Variants in MAPK8IP1 observed in about 807,000 individuals in gnomAD.
The protein encoded by MAPK8IP1 is mitogen-activated protein kinase 8 interacting protein 1.
Under a neutral mutation model 72.6 loss-of-function variants are expected in MAPK8IP1, and 17 were observed. The ratio of observed to expected loss-of-function variants is 0.23; its 90% confidence interval spans 0.16 to 0.35. The LOEUF (loss-of-function observed/expected upper bound fraction) is 0.35. Among genes scored for constraint, MAPK8IP1 ranks in the 10% least tolerant of loss-of-function variants. The probability of loss-of-function intolerance (pLI) is 1.00; values close to 1 mark genes in which losing one functional copy is unlikely to be tolerated. For synonymous variants in MAPK8IP1, 401 were observed against 443.4 expected (o/e 0.90, Z 1.20); for missense variants, 789 against 1,009.7 (o/e 0.78, Z 2.96).
At chr11:45,896,505 G>A (rs1056119680) in intron 1 of MAPK8IP1, 1 of 1,054,506 alleles carries the variant, frequency 9.5e-7, no homozygotes, top group African/African-American at 1.7e-5. Context: ...GGGCCACTCA[G>A]CCCCCGACAG....
Position 45,904,043 on chromosome 11 carries a change from A to G in MAPK8IP1, c.1548A>G (p.Leu516=), listed in dbSNP as rs1252767347. The part of the protein sequence containing the change: ...ELELEVDDPL[L]VELQAEDYWY... ...AGCTGGAAGTGGATGACCCTCTGCT[A>G]GTGGAGCTCCAGGCTGAAGACTACT... is the stretch of plus-strand genomic sequence containing the variant. Residue 516 remains leucine, a synonymous_variant, in exon 7 of 12, where the codon CTA becomes CTG. Coordinates refer to ENST00000241014, the MANE Select transcript of MAPK8IP1 (RefSeq NM_005456.4). The surrounding 1 kb of genome is among the most constrained non-coding windows in gnomAD (Gnocchi z 6.4). 3 of 1,613,890 alleles carry G rather than the reference A, an allele frequency of 1.9e-6. No individual in the cohort carries two copies. The highest frequency in any genetic ancestry group is 2.5e-6 in the Non-Finnish European group (3 of 1,179,932).
chr11:45,896,673 GGGT>G lies in MAPK8IP1; in HGVS notation c.102-1411_102-1409del, dbSNP rs1565072302. 11 of 1,403,146 alleles carry G rather than the reference GGGT, an allele frequency of 7.8e-6. No individual in the cohort carries two copies. In the African/African-American group the frequency reaches 1.6e-4, roughly 20 times the overall value. 86.9% of individuals were successfully genotyped at this position (1,403,146 alleles called of 1,614,324 possible). ...CTGGGAAGAGCTGGGGCTGGGACCC[GGGT>G]CGGCAGCTGCAGCCTCCTCTCCTGG... On this transcript the variant is annotated intron_variant, in intron 1 of 11. Transcript: ENST00000241014.
chr11:45,893,035 TG>T (rs1225930781), intron 1 of MAPK8IP1, among the ~76,000 whole-genome samples: 1 of 152,130 alleles, frequency 6.6e-6, no homozygotes, highest in African/African-American at 2.4e-5. Context: ...GAGAGGCTTG[TG>T]GGGCATTGTG....
At chr11:45,891,700 A>G (rs766999315) in intron 1 of MAPK8IP1, among the ~76,000 whole-genome samples, 1 of 152,220 alleles carries the variant, frequency 6.6e-6, no homozygotes, top group African/African-American at 2.4e-5. Flanking sequence ...GTGCAATATC[A>G]TCCTGGGGAG....
chr11:45,900,589 CG>C lies in MAPK8IP1; in HGVS notation c.522+138del. The C allele has an allele frequency of 1.0e-6, 1 of 992,988 alleles. No homozygotes were observed. Among genetic ancestry groups the C allele is most frequent in the East Asian group, 3.0e-5 (1 of 33,406 alleles). The allele number at this position is 992,988 out of a possible 1,614,324, so 61.5% of individuals were successfully genotyped here. ...CGCCTGCATAGGGGCCGCGGTGGCTCGCTCCCGGTGTTGGGATCCGAGGAGC... is the reference window on the plus strand; with the variant it reads ...CGCCTGCATAGGGGCCGCGGTGGCTCCTCCCGGTGTTGGGATCCGAGGAGC... On this transcript the variant is annotated intron_variant, in intron 3 of 11. Coordinates refer to ENST00000241014, the MANE Select transcript of MAPK8IP1 (RefSeq NM_005456.4). This position sits in a 1 kb window ranked among gnomAD's most constrained non-coding sequence, Gnocchi z 6.5.
intron 1 of MAPK8IP1, among the ~76,000 whole-genome samples, chr11:45,890,881 G>A (rs1428623326): frequency 6.6e-6 from 1 of 152,218 alleles, no homozygotes; most frequent in African/African-American, 2.4e-5. Flanking sequence ...TCTGAGTTTG[G>A]AGGGATGGCC....
chr11:45,901,294 G>A (rs1017366938), intron 3 of MAPK8IP1, among the ~76,000 whole-genome samples: 1 of 152,048 alleles, frequency 6.6e-6, no homozygotes, highest in African/African-American at 2.4e-5. Context: ...TGTGGGGAGG[G>A]GTCCCAGGGC....
intron 2 of MAPK8IP1, 144 bp downstream of exon 2, chr11:45,898,334 A>AT: frequency 1.6e-6 from 1 of 639,542 alleles, no homozygotes. Context: ...AAACATAGGT[A>AT]TACTGCTTGG....
intron 1 of MAPK8IP1, among the ~76,000 whole-genome samples, chr11:45,891,244 C>T (rs2086564165): frequency 6.6e-6 from 1 of 152,206 alleles, no homozygotes; most frequent in African/African-American, 2.4e-5. Context: ...CCACCATCCA[C>T]ACGTAGTTCT....
intron 1 of MAPK8IP1, among the ~76,000 whole-genome samples, chr11:45,892,959 C>G (rs932037086): frequency 2.6e-5 from 4 of 152,200 alleles, no homozygotes; most frequent in Non-Finnish European, 4.4e-5. Context: ...CAGCTTCGTT[C>G]TCAGCACTTA....
At position 45,898,206 on chromosome 11, in the gene MAPK8IP1, C is replaced by G. The variant is rs1168130748; in HGVS notation, c.207+16C>G. 2 of 1,581,112 alleles carry G rather than the reference C, an allele frequency of 1.3e-6. No homozygotes were observed. The highest frequency in any genetic ancestry group is 1.7e-6 in the Non-Finnish European group (2 of 1,151,402). The stretch of plus-strand genomic sequence containing the variant: ...GTCCTTACGGGTAAGGGCAAGCTCC[C>G]AGGAGCTCCTGAGTGGGGTGGCAGG... On this transcript the variant is annotated intron_variant, in intron 2 of 11. Transcript: ENST00000241014.
At chr11:45,887,271 T>G (rs2086534508) in intron 1 of MAPK8IP1, among the ~76,000 whole-genome samples, 1 of 152,216 alleles carries the variant, frequency 6.6e-6, no homozygotes, top group Non-Finnish European at 1.5e-5. Context: ...GGGTGCCATC[T>G]GTTAAGTGGG....
chr11:45,903,214 G>T lies in MAPK8IP1; in HGVS notation c.1417+30G>T. ...GTCAGCAAGGGGAAGCAGTGGGGTG[G>T]GGGGGTCCCTAGCGGGGGCAGAGCC... On this transcript the variant is annotated intron_variant, in intron 5 of 11. Coordinates refer to ENST00000241014, the MANE Select transcript of MAPK8IP1 (RefSeq NM_005456.4). The surrounding 1 kb of genome is among the most constrained non-coding windows in gnomAD (Gnocchi z 6.4). 1 of 1,591,518 alleles carries T rather than the reference G, an allele frequency of 6.3e-7. No homozygotes were observed.
In MAPK8IP1 at chr11:45,904,125, G is replaced by A. The variant is rs1370202772; in HGVS notation, c.1630G>A (p.Ala544Thr). 2.5e-6 allele frequency: 4 copies of A among 1,613,980 alleles called. No homozygotes were observed. Among genetic ancestry groups the A allele is most frequent in the South Asian group, 1.1e-5 (1 of 91,070 alleles). ...GARGVFPAYY[A>T]IEVTKEPEHM... ...CCGGGGTGTCTTTCCTGCCTATTAC[G>A]CCATCGAGGTCACCAAGGAGCCCGA... Residue 544 changes from alanine to threonine, a missense_variant, in exon 7 of 12, where the codon GCC (alanine) becomes ACC (threonine). Coordinates refer to ENST00000241014, the MANE Select transcript of MAPK8IP1 (RefSeq NM_005456.4). This position sits in a 1 kb window ranked among gnomAD's most constrained non-coding sequence, Gnocchi z 6.4.
In MAPK8IP1 at chr11:45,900,177, G is replaced by T. The variant is rs2086639581; in HGVS notation, c.247G>T (p.Ala83Ser). The T allele has an allele frequency of 1.5e-6, 2 of 1,312,744 alleles. No homozygotes were observed. Among genetic ancestry groups the T allele is most frequent in the South Asian group, 2.2e-5 (1 of 44,938 alleles). The allele number at this position is 1,312,744 out of a possible 1,614,324, so 81.3% of individuals were successfully genotyped here. ...GCTGCTCTCTGCGGGCGGCGGCGGCGCGGGGAGCCGGTTGCAGGCCGAGAT... is the reference window on the plus strand; with the variant it reads ...GCTGCTCTCTGCGGGCGGCGGCGGCTCGGGGAGCCGGTTGCAGGCCGAGAT... Reference protein sequence around the residue: ...AGLLSAGGGGAGSRLQAEMLQ... With the variant: ...AGLLSAGGGGSGSRLQAEMLQ... Residue 83 changes from alanine to serine, a missense_variant, in exon 3 of 12, where the codon GCG becomes TCG. Ala to Ser is a moderately conservative substitution (Grantham distance 99, BLOSUM62 1). Coordinates refer to ENST00000241014, the MANE Select transcript of MAPK8IP1 (RefSeq NM_005456.4). The surrounding 1 kb of genome is among the most constrained non-coding windows in gnomAD (Gnocchi z 6.5).
chr11:45,896,762 C>T, intron 1 of MAPK8IP1: 1 of 1,500,336 alleles, frequency 6.7e-7, no homozygotes, highest in South Asian at 1.3e-5. Context: ...GAAAGACAGG[C>T]CCAAGCGGTG....
chr11:45,891,462 A>G (rs1185715145), intron 1 of MAPK8IP1, among the ~76,000 whole-genome samples: 3 of 152,114 alleles, frequency 2.0e-5, no homozygotes, highest in South Asian at 4.1e-4. Context: ...GGCTTTGTGC[A>G]TAGATTGGAG....
chr11:45,889,115 G>T (rs1386045087), intron 1 of MAPK8IP1, among the ~76,000 whole-genome samples: 2 of 152,204 alleles, frequency 1.3e-5, no homozygotes, highest in East Asian at 1.9e-4. Context: ...TAACGAAATA[G>T]CTTGGGGATG....
At chr11:45,893,793 C>G (rs1160805937) in intron 1 of MAPK8IP1, among the ~76,000 whole-genome samples, 3 of 152,206 alleles carry the variant, frequency 2.0e-5, no homozygotes, top group Non-Finnish European at 2.9e-5. Context: ...CTCCCTTCTC[C>G]CCTCCATCTT....
Sources: allele counts gnomAD v4.1 joint callset (sites outside exome capture counted in the v4.1 genomes callset), GRCh38; gene constraint gnomAD v4.1.1; non-coding constraint Gnocchi (gnomAD v3.1); transcripts MANE v1.5; gene names NCBI Gene and HGNC (gene_info 2026-07-23, HGNC 2026-07-21).